The following CSRP3 variants were observed in gnomAD, a reference collection of about 807,000 sequenced individuals.
The protein encoded by CSRP3 is cysteine and glycine-rich protein 3.
CSRP3 carries 24 observed loss-of-function variants against 24.3 expected under a neutral mutation model. The ratio of observed to expected loss-of-function variants is 0.99; its 90% CI spans 0.71 to 1.39. CSRP3 has a LOEUF of 1.39. Ranked by LOEUF, CSRP3 falls within the 40% of genes most tolerant of loss-of-function variation. The pLI, the probability that CSRP3 is intolerant of heterozygous loss-of-function variation, is 0.00. For missense variants in CSRP3, 240 were observed against 249.0 expected (o/e 0.96, Z 0.24); for synonymous variants, 105 against 94.0 (o/e 1.12, Z -0.68).
chr11:19,198,726 AT>A (rs1321084675), intron 1 of CSRP3, among the ~76,000 whole-genome samples: 2 of 126,556 alleles, frequency 1.6e-5, no homozygotes, highest in Non-Finnish European at 3.9e-5. Flanking sequence ...AGTGAAAACC[AT>A]GGGCTTTGGA....
chr11:19,185,112 C>T, intron 4 of CSRP3, 67 bp from the exon 5 acceptor site: 1 of 1,192,086 alleles, frequency 8.4e-7, no homozygotes, highest in Admixed American at 1.7e-5. Context: ...ATTTCAAGTC[C>T]CTGACCAGCA....
At chr11:19,195,694 TG>T (rs1195468326) in intron 1 of CSRP3, among the ~76,000 whole-genome samples, 2 of 10,990 alleles carry the variant, frequency 1.8e-4, no homozygotes, top group African/African-American at 5.1e-4. Context: ...TATATATCTG[TG>T]TGTGTGTGTG....
At chr11:19,188,079 A>C in intron 3 of CSRP3, 57 bp downstream of exon 3, 1 of 1,605,176 alleles carries the variant, frequency 6.2e-7, no homozygotes, top group Non-Finnish European at 8.5e-7. Context: ...GAACGAAATG[A>C]ACTGTCCTGA....
intron 5 of CSRP3, among the ~76,000 whole-genome samples, chr11:19,182,982 C>G (rs1374491165): frequency 6.6e-6 from 1 of 152,064 alleles, no homozygotes; most frequent in Non-Finnish European, 1.5e-5. Context: ...CATAGAGAAA[C>G]CCTGTCTCTA....
intron 1 of CSRP3, among the ~76,000 whole-genome samples, chr11:19,195,672 G>T (rs888061386): frequency 7.6e-6 from 1 of 130,734 alleles, no homozygotes; most frequent in East Asian, 2.2e-4. Context: ...CCTCTTGGGG[G>T]ATAAAAATAC....
intron 3 of CSRP3, among the ~76,000 whole-genome samples, chr11:19,187,646 ATGAT>A (rs1010717155): frequency 1.3e-5 from 2 of 152,178 alleles, no homozygotes; most frequent in African/African-American, 4.8e-5. Flanking sequence ...CAGAAAAATC[ATGAT>A]TGATTGTTTA....
At chr11:19,187,148 A>G (rs1850540195) in intron 3 of CSRP3, among the ~76,000 whole-genome samples, 1 of 152,212 alleles carries the variant, frequency 6.6e-6, no homozygotes, top group South Asian at 2.1e-4. Context: ...AGTGAACTTC[A>G]GTCAATGTGA....
At chr11:19,186,003 C>T (rs953845685) in intron 4 of CSRP3, among the ~76,000 whole-genome samples, 1 of 152,126 alleles carries the variant, frequency 6.6e-6, no homozygotes, top group Non-Finnish European at 1.5e-5. Context: ...ATGCTTGCTG[C>T]TTCAAACTGC....
chr11:19,193,198 A>G (rs1291891406), intron 1 of CSRP3, among the ~76,000 whole-genome samples: 1 of 152,188 alleles, frequency 6.6e-6, no homozygotes, highest in African/African-American at 2.4e-5. Context: ...TTCTGCTTTC[A>G]GGGCTACCCT....
intron 2 of CSRP3, among the ~76,000 whole-genome samples, chr11:19,189,849 T>C (rs1211620851): frequency 6.6e-6 from 1 of 152,254 alleles, no homozygotes; most frequent in East Asian, 1.9e-4. Flanking sequence ...ACACAAGGCA[T>C]ATCTTTTTTA....
intron 2 of CSRP3, among the ~76,000 whole-genome samples, chr11:19,190,501 T>C (rs1255929032): frequency 6.6e-6 from 1 of 152,268 alleles, no homozygotes; most frequent in Non-Finnish European, 1.5e-5. Context: ...TTAAGATTAA[T>C]TTCATCTGTT....
At chr11:19,189,236 A>G (rs1474470923) in intron 2 of CSRP3, among the ~76,000 whole-genome samples, 2 of 152,054 alleles carry the variant, frequency 1.3e-5, no homozygotes, top group Non-Finnish European at 2.9e-5. Flanking sequence ...GCTCACTTTC[A>G]CTTCTATCTG....
Position 19,186,307 on chromosome 11 carries a change from G to T in CSRP3, c.323C>A (p.Ser108Tyr), listed in dbSNP as rs1381259614. The T allele has an allele frequency of 6.2e-7, 1 of 1,614,232 alleles. No individual in the cohort carries two copies. The highest frequency in any genetic ancestry group is 8.5e-7 in the Non-Finnish European group (1 of 1,180,046). ...CTCTCCAAACTTCGCAGTGAATTTG[G>T]AAGGGTTGCTGGTGGTAACTGAGCG... Reference protein sequence around the residue: ...PARSVTTSNPSKFTAKFGESE... With the variant: ...PARSVTTSNPYKFTAKFGESE... The change falls in exon 4 of 6, where the codon TCC becomes TAC. Residue 108 changes from serine to tyrosine, a missense_variant. Coordinates refer to ENST00000265968, the MANE Select transcript of CSRP3 (RefSeq NM_003476.5).
chr11:19,185,373 T>A (rs1850507829), intron 4 of CSRP3, among the ~76,000 whole-genome samples: 1 of 152,212 alleles, frequency 6.6e-6, no homozygotes, highest in Admixed American at 6.5e-5. Context: ...CACTGGGTGA[T>A]GTTTATGTTG....
intron 3 of CSRP3, among the ~76,000 whole-genome samples, chr11:19,187,695 C>T (rs1232081519): frequency 6.6e-6 from 1 of 152,184 alleles, no homozygotes; most frequent in African/African-American, 2.4e-5. Flanking sequence ...AGACACACTC[C>T]CCCTGCCATG....
chr11:19,192,270 G>T, intron 2 of CSRP3, 67 bp downstream of exon 2: 1 of 1,056,476 alleles, frequency 9.5e-7, no homozygotes, highest in Non-Finnish European at 1.5e-6. Flanking sequence ...CAGTGTTTGT[G>T]ATTCAATGTG....
intron 5 of CSRP3, among the ~76,000 whole-genome samples, chr11:19,183,164 A>AT (rs1850466235): frequency 1.8e-5 from 1 of 56,792 alleles, no homozygotes; most frequent in African/African-American, 7.8e-5. Flanking sequence ...TCTCAAGAAT[A>AT]AAAATAATAA....
intron 5 of CSRP3, 68 bp downstream of exon 5, chr11:19,184,884 C>A: frequency 8.4e-7 from 1 of 1,185,652 alleles, no homozygotes; most frequent in South Asian, 1.2e-5. Context: ...CAGGCATGAA[C>A]GTAATTTCCT....
intron 1 of CSRP3, among the ~76,000 whole-genome samples, chr11:19,201,705 C>A (rs997309774): frequency 2.0e-5 from 3 of 152,158 alleles, no homozygotes; most frequent in Non-Finnish European, 4.4e-5. Flanking sequence ...GAGGATAATT[C>A]TTTACTCATT....
Sources: allele counts gnomAD v4.1 joint callset (sites outside exome capture counted in the v4.1 genomes callset), GRCh38; gene constraint gnomAD v4.1.1; transcripts MANE v1.5; gene names NCBI Gene and HGNC (gene_info 2026-07-23, HGNC 2026-07-21).